Variants in SORCS1 observed in about 807,000 individuals in gnomAD.
SORCS1 encodes sortilin related VPS10 domain containing receptor 1.
SORCS1 carries 60 observed loss-of-function variants against 146.1 expected under a neutral mutation model. That is an observed-to-expected ratio of 0.41 (90% CI 0.33 to 0.51). SORCS1 has a LOEUF of 0.51. Among genes scored for constraint, SORCS1 ranks in the 20% least tolerant of loss-of-function variants. The probability of loss-of-function intolerance (pLI) is 0.21; values close to 1 mark genes in which losing one functional copy is unlikely to be tolerated. For synonymous variants in SORCS1, 637 were observed against 584.0 expected (o/e 1.09, Z -1.31); for missense variants, 1,352 against 1,487.6 (o/e 0.91, Z 1.50).
intron 3 of SORCS1, among the ~76,000 whole-genome samples, chr10:106,821,938 A>G (rs570104215): frequency 7.2e-5 from 11 of 152,108 alleles, no homozygotes; most frequent in African/African-American, 2.2e-4. Context: ...ATAAAAAAAA[A>G]AAAAAGTACT....
chr10:107,135,578 G>A (rs1365289469), intron 1 of SORCS1, among the ~76,000 whole-genome samples: 1 of 152,132 alleles, frequency 6.6e-6, no homozygotes, highest in Non-Finnish European at 1.5e-5. Context: ...ATCCAGAAGG[G>A]TGCTCCTTAT....
intron 1 of SORCS1, among the ~76,000 whole-genome samples, chr10:107,147,710 T>C (rs1011247567): frequency 4.6e-5 from 7 of 152,222 alleles, no homozygotes; most frequent in African/African-American, 1.7e-4. Flanking sequence ...AAAAAGATTC[T>C]ATATTGCTTT....
At chr10:107,150,574 C>A (rs1968704720) in intron 1 of SORCS1, among the ~76,000 whole-genome samples, 1 of 152,138 alleles carries the variant, frequency 6.6e-6, no homozygotes, top group African/African-American at 2.4e-5. Context: ...TCTTCTATGC[C>A]CTTGATTTGA....
At chr10:107,140,578 GA>G (rs1176669826) in intron 1 of SORCS1, among the ~76,000 whole-genome samples, 1 of 152,096 alleles carries the variant, frequency 6.6e-6, no homozygotes, top group Non-Finnish European at 1.5e-5. Context: ...GCCTTTAGTA[GA>G]AAATTCTTAC....
intron 14 of SORCS1, among the ~76,000 whole-genome samples, chr10:106,673,894 T>C (rs376270335): frequency 6.6e-5 from 10 of 152,286 alleles, no homozygotes; most frequent in East Asian, 3.9e-4. Context: ...TTAAAATCTG[T>C]TTTGAAAATA....
intron 1 of SORCS1, among the ~76,000 whole-genome samples, chr10:106,961,053 C>A (rs996529448): frequency 6.6e-6 from 1 of 152,170 alleles, no homozygotes; most frequent in East Asian, 1.9e-4. Flanking sequence ...CTTCTAGCCC[C>A]AACCTCTTTC....
At position 106,978,104 on chromosome 10, in the gene SORCS1, C is replaced by T. The variant is rs143950391; in HGVS notation, c.559-21524G>A. 1.2e-4 allele frequency among the ~76,000 whole-genome samples: 19 copies of T among 152,210 alleles called. No homozygotes were observed. In the East Asian group the frequency reaches 1.4e-3, roughly 11 times the overall value. On this transcript the variant is annotated intron_variant, in intron 1 of 25. Coordinates refer to ENST00000263054, the MANE Select transcript of SORCS1 (RefSeq NM_052918.5). ...GATTATAGGCACCCACCATCACATC[C>T]GGCTGTTGTTTTGTATTTTTAGTAG...
chr10:106,978,191 C>G (rs1956112898), intron 1 of SORCS1, among the ~76,000 whole-genome samples: 1 of 152,140 alleles, frequency 6.6e-6, no homozygotes, highest in African/African-American at 2.4e-5. Context: ...GTTATCCACC[C>G]ACCTCGGCCT....
intron 1 of SORCS1, among the ~76,000 whole-genome samples, chr10:107,145,405 A>G (rs939429335): frequency 4.6e-5 from 7 of 152,214 alleles, no homozygotes; most frequent in Non-Finnish European, 2.9e-5. Context: ...GGTTTTGTCT[A>G]AAAGATGCAA....
At chr10:106,950,702 A>G (rs1184833939) in intron 2 of SORCS1, among the ~76,000 whole-genome samples, 1 of 152,156 alleles carries the variant, frequency 6.6e-6, no homozygotes, top group African/African-American at 2.4e-5. Context: ...GGGTATAGAA[A>G]GATCCACCAG....
chr10:106,932,966 TC>T (rs1319253916), intron 2 of SORCS1, among the ~76,000 whole-genome samples: 2 of 152,248 alleles, frequency 1.3e-5, no homozygotes, highest in African/African-American at 4.8e-5. Context: ...ACATTAATTT[TC>T]CCCATCCTAA....
chr10:106,993,748 G>A (rs11193152), intron 1 of SORCS1, among the ~76,000 whole-genome samples: 57,334 of 151,848 alleles, frequency 0.38, 12,161 homozygotes, highest in African/African-American at 0.58. Context: ...TTCCAAGGAT[G>A]TAACATAAAG....
intron 6 of SORCS1, among the ~76,000 whole-genome samples, chr10:106,729,638 T>C (rs1221424029): frequency 6.6e-6 from 1 of 152,132 alleles, no homozygotes; most frequent in African/African-American, 2.4e-5. Flanking sequence ...AAAGACACTT[T>C]GATTGGATGA....
intron 2 of SORCS1, among the ~76,000 whole-genome samples, chr10:106,936,359 G>C (rs1953716478): frequency 6.6e-6 from 1 of 152,202 alleles, no homozygotes; most frequent in African/African-American, 2.4e-5. Context: ...ATGAAATGCA[G>C]TGAAGAGCTA....
chr10:106,612,952 A>T (rs574582811), intron 21 of SORCS1, among the ~76,000 whole-genome samples: 1 of 152,038 alleles, frequency 6.6e-6, no homozygotes, highest in East Asian at 1.9e-4. Flanking sequence ...TTCAAGCTCT[A>T]GTTGAAGCAC....
chr10:106,863,849 C>G (rs1350833640), intron 2 of SORCS1, among the ~76,000 whole-genome samples: 1 of 151,750 alleles, frequency 6.6e-6, no homozygotes, highest in Non-Finnish European at 1.5e-5. Context: ...ACAGGAAAAG[C>G]TGCCAGTCCC....
At chr10:106,808,283 G>T (rs1947286969) in intron 3 of SORCS1, among the ~76,000 whole-genome samples, 1 of 152,180 alleles carries the variant, frequency 6.6e-6, no homozygotes, top group Admixed American at 6.5e-5. Context: ...CTCCCAAAGT[G>T]CTGGAATTAC....
At chr10:106,764,195 G>T (rs1414214098) in intron 4 of SORCS1, among the ~76,000 whole-genome samples, 1 of 152,098 alleles carries the variant, frequency 6.6e-6, no homozygotes, top group Non-Finnish European at 1.5e-5. Flanking sequence ...GCAGAGTCTT[G>T]AATATTCACT....
At chr10:107,132,344 G>A (rs1966922055) in intron 1 of SORCS1, among the ~76,000 whole-genome samples, 1 of 152,154 alleles carries the variant, frequency 6.6e-6, no homozygotes, top group Non-Finnish European at 1.5e-5. Flanking sequence ...CTCTTGTTTA[G>A]CACTATCCCA....
Sources: gnomAD v4.1 joint callset for allele counts (sites outside exome capture counted in the v4.1 genomes callset) on GRCh38, gnomAD v4.1.1 for gene constraint, MANE v1.5 for transcripts, NCBI Gene and HGNC (gene_info 2026-07-23, HGNC 2026-07-21) for gene names.